Variants in LPXN observed in about 807,000 individuals in gnomAD.
The protein encoded by LPXN is leupaxin.
In LPXN, 28 loss-of-function variants were observed where a neutral mutation model predicts 45.6. The ratio of observed to expected loss-of-function variants is 0.61; its 90% CI spans 0.45 to 0.84. LPXN has a LOEUF of 0.84. Among genes scored for constraint, LPXN ranks in the 40% least tolerant of loss-of-function variants. The probability of loss-of-function intolerance (pLI) is 0.00; values close to 1 mark genes in which losing one functional copy is unlikely to be tolerated. For missense variants in LPXN, 459 were observed against 475.0 expected (o/e 0.97, Z 0.31); for synonymous variants, 166 against 169.9 (o/e 0.98, Z 0.18).
Position 58,527,371 on chromosome 11 carries a change from C to G in LPXN, c.*83G>C. 7.0e-7 allele frequency: 1 copy of G among 1,423,962 alleles called. No individual in the cohort carries two copies. Among genetic ancestry groups the G allele is most frequent in the Non-Finnish European group, 9.8e-7 (1 of 1,024,102 alleles). 88.2% of individuals were successfully genotyped at this position (1,423,962 alleles called of 1,614,324 possible). Reference sequence around the variant, plus strand: ...TCTATAAGACTATTAAGCAGAAGGTCAGTAACAGAAAATTTACCCTTTCCT... The same window carrying G: ...TCTATAAGACTATTAAGCAGAAGGTGAGTAACAGAAAATTTACCCTTTCCT... On this transcript the variant is annotated 3_prime_UTR_variant, in exon 9 of 9. Transcript: ENST00000395074.
chr11:58,569,047 C>A (rs1171920845), intron 2 of LPXN, among the ~76,000 whole-genome samples: 1 of 152,186 alleles, frequency 6.6e-6, no homozygotes, highest in Non-Finnish European at 1.5e-5. Flanking sequence ...CAATAGTTCC[C>A]TAGTAGAGAG....
At chr11:58,570,767 T>G in intron 1 of LPXN, 54 bp from the exon 2 acceptor site, 7 of 1,383,672 alleles carry the variant, frequency 5.1e-6, no homozygotes, top group African/African-American at 1.4e-5. Context: ...ATCCCTACAG[T>G]CATTTTCTCC....
intron 2 of LPXN, among the ~76,000 whole-genome samples, chr11:58,567,104 C>G (rs1481247954): frequency 6.6e-6 from 1 of 152,124 alleles, no homozygotes; most frequent in East Asian, 1.9e-4. Flanking sequence ...TGTTTGAATG[C>G]AGTCACAAAT....
intron 7 of LPXN, among the ~76,000 whole-genome samples, chr11:58,541,567 T>C (rs1393586907): frequency 6.7e-6 from 1 of 149,234 alleles, no homozygotes; most frequent in African/African-American, 2.5e-5. Flanking sequence ...TGTGGAGAAA[T>C]AGGAACACTT....
chr11:58,578,271 T>TA, upstream of LPXN: 1 of 508,062 alleles, frequency 2.0e-6, no homozygotes, highest in East Asian at 3.9e-5. Flanking sequence ...GAAAAAAAGG[T>TA]AAACTCTAGA....
chr11:58,555,500 A>G lies in LPXN; in HGVS notation c.219-560T>C, dbSNP rs554298882. 7.9e-5 allele frequency among the ~76,000 whole-genome samples: 12 copies of G among 152,344 alleles called. No homozygotes were observed. In the South Asian group the frequency reaches 2.1e-3, roughly 26 times the overall value. ...ACTTTGGACCCAATAAACAGAATAC[A>G]GATTCTATTCAAGTAGCTGCATAAA... On this transcript the variant is annotated intron_variant, in intron 3 of 8. Transcript: ENST00000395074.
rs927926039 is a variant in LPXN at position 58,574,445 on chromosome 11, T to C, written c.13+1315A>G. Among the ~76,000 whole-genome samples the C allele has an allele frequency of 6.6e-5, 10 of 152,180 alleles. No homozygotes were observed. The East Asian group carries it at 1.2e-3, about 18-fold the overall frequency. ...AGTGGATAACACCTATTTCAGAGGG[T>C]TGCTGCAGACACTAAAATGATTAAC... On this transcript the variant is annotated intron_variant, in intron 1 of 8. Transcript: ENST00000395074.
chr11:58,553,949 C>G (rs539519226), intron 4 of LPXN: 1 of 152,524 alleles, frequency 6.6e-6, no homozygotes, highest in East Asian at 1.9e-4. Context: ...CAGAGCCATA[C>G]TTTGATCTCC....
At chr11:58,578,142 G>C, upstream of LPXN, 2 of 1,465,854 alleles carry the variant, frequency 1.4e-6, no homozygotes, top group Non-Finnish European at 1.8e-6. Context: ...GTACGCCAAC[G>C]CCCAGATAAA....
intron 7 of LPXN, among the ~76,000 whole-genome samples, chr11:58,541,048 T>C (rs537181085): frequency 4.6e-4 from 70 of 152,178 alleles, no homozygotes; most frequent in African/African-American, 1.6e-3. Flanking sequence ...TCAAGATGGA[T>C]TAAAGACTTA....
chr11:58,531,800 C>T (rs1437230290), intron 7 of LPXN, among the ~76,000 whole-genome samples: 1 of 152,240 alleles, frequency 6.6e-6, no homozygotes, highest in Non-Finnish European at 1.5e-5. Context: ...GTGCTTGCAA[C>T]CCTTGCTCGC....
chr11:58,537,428 G>A (rs550901774), intron 7 of LPXN, among the ~76,000 whole-genome samples: 59 of 152,126 alleles, frequency 3.9e-4, no homozygotes, highest in Middle Eastern at 6.8e-3. Flanking sequence ...ACCAAACACC[G>A]CATGTTCTCA....
intron 1 of LPXN, among the ~76,000 whole-genome samples, chr11:58,571,237 G>A (rs941228739): frequency 3.3e-5 from 5 of 152,060 alleles, no homozygotes; most frequent in Non-Finnish European, 7.4e-5. Context: ...CTACTTGGGA[G>A]GCTGAGGTGG....
At chr11:58,558,851 C>T (rs943307907) in intron 3 of LPXN, among the ~76,000 whole-genome samples, 1 of 151,484 alleles carries the variant, frequency 6.6e-6, no homozygotes, top group Non-Finnish European at 1.5e-5. Flanking sequence ...ATATATTTTA[C>T]AATTTGGGGT....
chr11:58,570,764 CAG>C (rs1854671481), intron 1 of LPXN, 51 bp from the exon 2 acceptor site: 2 of 1,397,006 alleles, frequency 1.4e-6, no homozygotes, highest in Non-Finnish European at 2.0e-6. Context: ...TAAATCCCTA[CAG>C]TCATTTTCTC....
At chr11:58,567,596 C>T (rs1227612201) in intron 2 of LPXN, among the ~76,000 whole-genome samples, 2 of 152,168 alleles carry the variant, frequency 1.3e-5, no homozygotes, top group Non-Finnish European at 2.9e-5. Context: ...CATAGGCCTC[C>T]TGCAGCTGCC....
At chr11:58,570,431 G>T in intron 2 of LPXN, 125 bp downstream of exon 2, 1 of 611,974 alleles carries the variant, frequency 1.6e-6, no homozygotes. Flanking sequence ...TAACATTGAG[G>T]CATTATTTTT....
upstream of LPXN, chr11:58,575,899 C>T: frequency 1.3e-6 from 2 of 1,562,622 alleles, no homozygotes; most frequent in Non-Finnish European, 1.7e-6. Flanking sequence ...CTTTTTGGTT[C>T]CTGTATTTGC....
chr11:58,540,506 T>C (rs1853683132), intron 7 of LPXN, among the ~76,000 whole-genome samples: 1 of 152,198 alleles, frequency 6.6e-6, no homozygotes, highest in African/African-American at 2.4e-5. Context: ...AAGTATTTAA[T>C]GATGAGATTA....
Sources: gnomAD v4.1 joint callset for allele counts (sites outside exome capture counted in the v4.1 genomes callset) on GRCh38, gnomAD v4.1.1 for gene constraint, MANE v1.5 for transcripts, NCBI Gene and HGNC (gene_info 2026-07-23, HGNC 2026-07-21) for gene names.